LRRC9: variants seen among roughly 807,000 people sequenced by gnomAD.
LRRC9 encodes leucine rich repeat containing 9.
Under a neutral mutation model 63.2 loss-of-function variants are expected in LRRC9, and 122 were observed. The ratio of observed to expected loss-of-function variants is 1.93; its 90% CI spans 1.67 to 2.24. LRRC9 has a LOEUF of 2.24. Ranked by LOEUF, LRRC9 falls within the 30% of genes most tolerant of loss-of-function variation. The pLI, the probability that LRRC9 is intolerant of heterozygous loss-of-function variation, is 0.00. For missense variants in LRRC9, 1,071 were observed against 627.7 expected (o/e 1.71, Z -7.55); for synonymous variants, 366 against 213.1 (o/e 1.72, Z -6.25).
chr14:60,017,077 T>C lies in LRRC9; in HGVS notation c.3317+287T>C, dbSNP rs768053551. Among the ~76,000 whole-genome samples, 14 of 152,010 alleles carry C rather than the reference T, an allele frequency of 9.2e-5. No individual in the cohort carries two copies. Among genetic ancestry groups the C allele is most frequent in the Non-Finnish European group, 2.1e-4 (14 of 67,986 alleles). Reference sequence around the variant, plus strand: ...CTTTGTATTTTTTGTGGAGACAGCATTTATGCCATGTTGCCAGGCTGGTCT... The same window carrying C: ...CTTTGTATTTTTTGTGGAGACAGCACTTATGCCATGTTGCCAGGCTGGTCT... On this transcript the variant is annotated intron_variant, in intron 24 of 31. Transcript: ENST00000445360. The surrounding 1 kb of genome is among the most constrained non-coding windows in gnomAD (Gnocchi z 4.0).
intron 26 of LRRC9, 91 bp downstream of exon 26, chr14:60,019,351 A>T: frequency 2.0e-6 from 1 of 501,674 alleles, no homozygotes; most frequent in Non-Finnish European, 3.5e-6. Context: ...AACACATTCC[A>T]GTACATAAAA....
chr14:59,943,822 CT>C (rs1882049700), intron 7 of LRRC9, among the ~76,000 whole-genome samples: 1 of 151,996 alleles, frequency 6.6e-6, no homozygotes, highest in Non-Finnish European at 1.5e-5. Flanking sequence ...AAGACTGCAT[CT>C]GTAGAAAATA....
intron 26 of LRRC9, among the ~76,000 whole-genome samples, chr14:60,021,203 G>A (rs939265000): frequency 6.6e-6 from 1 of 151,856 alleles, no homozygotes; most frequent in East Asian, 1.9e-4. Flanking sequence ...ATTTGAAGTG[G>A]TATCTCATTG....
At chr14:60,021,878 G>C (rs1891142783) in intron 26 of LRRC9, among the ~76,000 whole-genome samples, 1 of 151,856 alleles carries the variant, frequency 6.6e-6, no homozygotes, top group Non-Finnish European at 1.5e-5. Context: ...AGACTGGTTT[G>C]ATTACTGTGG....
intron 12 of LRRC9, among the ~76,000 whole-genome samples, chr14:59,968,513 G>T (rs1234368868): frequency 1.3e-5 from 2 of 152,222 alleles, no homozygotes; most frequent in Non-Finnish European, 2.9e-5. Context: ...TGGGTTGGTG[G>T]GAGTAGAAGC....
At chr14:59,987,172 C>T (rs908497071) in intron 17 of LRRC9, among the ~76,000 whole-genome samples, 1 of 152,100 alleles carries the variant, frequency 6.6e-6, no homozygotes, top group African/African-American at 2.4e-5. Flanking sequence ...ATGCCTTCCT[C>T]TCTCCACAAG....
intron 8 of LRRC9, among the ~76,000 whole-genome samples, chr14:59,959,210 T>A (rs181922892): frequency 0.01 from 1,528 of 152,312 alleles, 22 homozygotes; most frequent in African/African-American, 0.035. Flanking sequence ...GCAACATTTT[T>A]AAAATATCCA....
chr14:60,009,778 G>A (rs890679031), intron 23 of LRRC9, among the ~76,000 whole-genome samples: 15 of 152,308 alleles, frequency 9.8e-5, no homozygotes, highest in Admixed American at 9.1e-4. Context: ...GGGGGTACAG[G>A]CATTGGGTAA....
At chr14:59,967,474 TG>T (rs1479752619) in intron 12 of LRRC9, among the ~76,000 whole-genome samples, 1 of 152,252 alleles carries the variant, frequency 6.6e-6, no homozygotes, top group African/African-American at 2.4e-5. Context: ...CTTTTGTTGA[TG>T]GTTTTGAAAT....
Position 59,962,496 on chromosome 14 carries a change from C to T in LRRC9, c.1211+1451C>T, listed in dbSNP as rs1025483864. On this transcript the variant is annotated intron_variant, in intron 10 of 31. Coordinates refer to ENST00000445360, the Ensembl canonical transcript of LRRC9. This position sits in a 1 kb window ranked among gnomAD's most constrained non-coding sequence, Gnocchi z 5.1. ...TCAGCTCGCTGCAACCTCTGCCTCC[C>T]AGGTTCAAGCGATTCTCCTGCCTCA... Among the ~76,000 whole-genome samples the T allele has an allele frequency of 6.6e-6, 1 of 151,876 alleles. No individual in the cohort carries two copies. Among genetic ancestry groups the T allele is most frequent in the Non-Finnish European group, 1.5e-5 (1 of 67,982 alleles).
rs1275967965 is a variant in LRRC9, at chr14:59,977,259, G to GAGTGTTC, written c.1677_1683dup (p.Ala562CysfsTer5). The GAGTGTTC allele has an allele frequency of 2.9e-6, 2 of 693,922 alleles. No homozygotes were observed. The highest frequency in any genetic ancestry group is 2.6e-6 in the Non-Finnish European group (1 of 382,196). 43.0% of individuals were successfully genotyped at this position (693,922 alleles called of 1,614,324 possible). A position where few individuals can be genotyped will look rare whatever the true frequency, so the allele number is the denominator to read the frequency against. ...TCATTACAAAAGTTTTCCTTGGCCA[G>GAGTGTTC]AGTGTTCAGGCCCATGAAAAAGAAT... On this transcript the variant is annotated frameshift_variant, in exon 14 of 32. Coordinates refer to ENST00000445360, the Ensembl canonical transcript of LRRC9. LOFTEE classifies it high-confidence loss of function.
In LRRC9 at chr14:59,932,168, A is replaced by G. The variant is rs1435916632; in HGVS notation, c.543+129A>G. 2.8e-5 allele frequency: 16 copies of G among 570,646 alleles called. No individual in the cohort carries two copies. Among genetic ancestry groups the G allele is most frequent in the Non-Finnish European group, 4.9e-5 (16 of 325,630 alleles). The allele number at this position is 570,646 out of a possible 1,614,324, so 35.3% of individuals were successfully genotyped here. A position where few individuals can be genotyped will look rare whatever the true frequency, so the allele number is the denominator to read the frequency against. On this transcript the variant is annotated intron_variant, in intron 6 of 31. Transcript: ENST00000445360. This position sits in a 1 kb window ranked among gnomAD's most constrained non-coding sequence, Gnocchi z 4.7. ...TTATTTTGGGCTGATGCTCCAGGAA[A>G]TTTGAAAGTCATCTGACTACATTGG...
In LRRC9 at chr14:59,928,495, A is replaced by G; in HGVS notation, c.267+9A>G. On this transcript the variant is annotated intron_variant, in intron 3 of 31. Transcript: ENST00000445360. Reference sequence around the variant, plus strand: ...CTGAGTGCTGCATAGAGGTAAGTGTAAACATAAAACCTCACATGGAGTATT... The same window carrying G: ...CTGAGTGCTGCATAGAGGTAAGTGTGAACATAAAACCTCACATGGAGTATT... The G allele has an allele frequency of 1.6e-6, 1 of 627,168 alleles. No individual in the cohort carries two copies. Among genetic ancestry groups the G allele is most frequent in the Non-Finnish European group, 2.8e-6 (1 of 356,760 alleles). The allele number at this position is 627,168 out of a possible 1,614,324, so 38.9% of individuals were successfully genotyped here.
At chr14:59,978,474 A>G (rs1176177957) in intron 15 of LRRC9, among the ~76,000 whole-genome samples, 1 of 152,106 alleles carries the variant, frequency 6.6e-6, no homozygotes, top group Non-Finnish European at 1.5e-5. Context: ...TAACAGTTTT[A>G]TGGGTTTGCT....
intron 30 of LRRC9, among the ~76,000 whole-genome samples, chr14:60,055,737 A>G (rs543060938): frequency 1.3e-5 from 2 of 149,250 alleles, no homozygotes; most frequent in Non-Finnish European, 3.0e-5. Flanking sequence ...TATTTAAAAA[A>G]AAAAAAAAAC....
intron 24 of LRRC9, 91 bp downstream of exon 24, chr14:60,016,881 C>A: frequency 1.9e-6 from 1 of 531,288 alleles, no homozygotes; most frequent in Non-Finnish European, 3.4e-6. Context: ...TACAACTTAC[C>A]TAAATATAAT....
At chr14:60,012,609 C>G (rs1262438356) in intron 23 of LRRC9, among the ~76,000 whole-genome samples, 1 of 152,158 alleles carries the variant, frequency 6.6e-6, no homozygotes, top group Non-Finnish European at 1.5e-5. Flanking sequence ...AATAGATTGT[C>G]AAACAATAGC....
chr14:60,000,685 A>G (rs970012128), intron 19 of LRRC9, among the ~76,000 whole-genome samples: 2 of 152,172 alleles, frequency 1.3e-5, no homozygotes, highest in African/African-American at 4.8e-5. Flanking sequence ...AAAATATGAA[A>G]GATTATCATT....
At chr14:60,065,682 A>AACTATTT (rs1281462785), downstream of LRRC9, among the ~76,000 whole-genome samples, 2 of 145,646 alleles carry the variant, frequency 1.4e-5, no homozygotes, top group Non-Finnish European at 1.5e-5. Flanking sequence ...AAAGAGAGTA[A>AACTATTT]ACTATTTATT....
Sources: allele counts gnomAD v4.1 joint callset (sites outside exome capture counted in the v4.1 genomes callset), GRCh38; gene constraint gnomAD v4.1.1; non-coding constraint Gnocchi (gnomAD v3.1); transcripts MANE v1.5; gene names NCBI Gene and HGNC (gene_info 2026-07-23, HGNC 2026-07-21).